Variants in NDC80 observed in about 807,000 individuals in gnomAD.
The protein encoded by NDC80 is NDC80 kinetochore complex component.
In NDC80, 69 loss-of-function variants were observed where a neutral mutation model predicts 89.3. The observed-to-expected ratio is 0.77, with a 90% CI of 0.64 to 0.94. The LOEUF is 0.94. Among genes scored for constraint, NDC80 ranks in the 40% least tolerant of loss-of-function variants. The pLI is 0.00. For synonymous variants in NDC80, 243 were observed against 255.6 expected (o/e 0.95, Z 0.47); for missense variants, 593 against 739.6 (o/e 0.80, Z 2.30).
chr18:2,586,849 T>G (rs2072605111), intron 7 of NDC80, among the ~76,000 whole-genome samples: 1 of 152,238 alleles, frequency 6.6e-6, no homozygotes, highest in Non-Finnish European at 1.5e-5. Context: ...CATGGGAAAC[T>G]ATAAAGTACT....
At chr18:2,585,306 C>A in intron 7 of NDC80, 104 bp downstream of exon 7, 1 of 823,284 alleles carries the variant, frequency 1.2e-6, no homozygotes, top group Non-Finnish European at 1.9e-6. Context: ...GAGTAATAAA[C>A]CGACTGTAAG....
intron 1 of NDC80, among the ~76,000 whole-genome samples, chr18:2,571,917 T>C (rs979198500): frequency 2.6e-5 from 4 of 151,914 alleles, no homozygotes; most frequent in African/African-American, 9.7e-5. Context: ...GGGACACTGA[T>C]GAGGAGTGGA....
chr18:2,580,731 A>ATTTTTTTTT (rs71365186), intron 6 of NDC80, among the ~76,000 whole-genome samples: 760 of 55,454 alleles, frequency 0.014, 198 homozygotes, highest in Admixed American at 0.024. Flanking sequence ...TCACCATCAG[A>ATTTTTTTTT]TTTTTTTTTT....
chr18:2,586,154 A>T (rs2072601902), intron 7 of NDC80, among the ~76,000 whole-genome samples: 1 of 152,228 alleles, frequency 6.6e-6, no homozygotes, highest in Non-Finnish European at 1.5e-5. Context: ...CTTTTGTCAC[A>T]AAAGAAAAGT....
chr18:2,578,150 A>G lies in NDC80; in HGVS notation c.476+9A>G. On this transcript the variant is annotated intron_variant, in intron 5 of 16. Coordinates refer to ENST00000261597, the MANE Select transcript of NDC80 (RefSeq NM_006101.3). Reference sequence around the variant, plus strand: ...ATCTTTAAAGACCTTGGGTATGTATATTTCTTATTAGTTTAGAGACATGAC... The same window carrying G: ...ATCTTTAAAGACCTTGGGTATGTATGTTTCTTATTAGTTTAGAGACATGAC... 1 of 1,609,114 alleles carries G rather than the reference A, an allele frequency of 6.2e-7. No individual in the cohort carries two copies. The highest frequency in any genetic ancestry group is 8.5e-7 in the Non-Finnish European group (1 of 1,177,942).
intron 6 of NDC80, among the ~76,000 whole-genome samples, chr18:2,581,875 T>C (rs1259830413): frequency 1.3e-5 from 2 of 152,220 alleles, no homozygotes; most frequent in African/African-American, 4.8e-5. Context: ...TTTCAGATTT[T>C]AACAAAATCT....
At chr18:2,601,534 A>C in intron 13 of NDC80, 49 bp downstream of exon 13, 1 of 863,722 alleles carries the variant, frequency 1.2e-6, no homozygotes, top group South Asian at 2.4e-5. Flanking sequence ...TTAGATTTTA[A>C]AACCTAAAAT....
intron 10 of NDC80, chr18:2,595,061 T>G (rs1400106173): frequency 1.3e-5 from 2 of 152,298 alleles, no homozygotes; most frequent in Non-Finnish European, 2.9e-5. Context: ...ACATTTTTTT[T>G]TCATGTAGTA....
intron 14 of NDC80, 61 bp downstream of exon 14, chr18:2,606,568 G>A: frequency 9.4e-7 from 1 of 1,066,750 alleles, no homozygotes; most frequent in Non-Finnish European, 1.4e-6. Context: ...TGCTTGATGA[G>A]TCACATATTC....
intron 13 of NDC80, among the ~76,000 whole-genome samples, chr18:2,602,575 G>A (rs2072689156): frequency 6.6e-6 from 1 of 152,112 alleles, no homozygotes; most frequent in African/African-American, 2.4e-5. Context: ...CTAAAACCTG[G>A]AGATTCTCAA....
At position 2,599,037 on chromosome 18, in the gene NDC80, G is replaced by A. The variant is rs1237527804; in HGVS notation, c.1240G>A (p.Glu414Lys). Residue 414 changes from glutamate (E) to lysine (K), a missense_variant, in exon 12 of 17, where the codon GAG becomes AAG. Physicochemically the swap from Glu to Lys is moderately conservative, Grantham distance 56. Transcript: ENST00000261597. ...CTTACAGATTGAAACACAATTAGCA[G>A]AGTATCACAAATTGGCTAGAAAATT... ...GKEAIETQLA[E>K]YHKLARKLKL... 3 of 1,610,754 alleles carry A rather than the reference G, an allele frequency of 1.9e-6. No homozygotes were observed. Among genetic ancestry groups the A allele is most frequent in the Non-Finnish European group, 2.5e-6 (3 of 1,178,520 alleles).
intron 10 of NDC80, chr18:2,594,689 A>G (rs545113596): frequency 1.3e-5 from 2 of 152,880 alleles, no homozygotes; most frequent in Admixed American, 1.3e-4. Context: ...TTAGAAAGGG[A>G]TGATTAACTT....
At chr18:2,599,447 C>A (rs1047469297) in intron 12 of NDC80, among the ~76,000 whole-genome samples, 52 of 152,090 alleles carry the variant, frequency 3.4e-4, no homozygotes, top group Non-Finnish European at 2.2e-4. Context: ...TAAATAAATG[C>A]TATATATGTG....
In NDC80 at chr18:2,608,760, C is replaced by G. The variant is rs2072727941; in HGVS notation, c.1618C>G (p.His540Asp). 6.2e-7 allele frequency: 1 copy of G among 1,613,032 alleles called. No individual in the cohort carries two copies. The highest frequency in any genetic ancestry group is 8.5e-7 in the Non-Finnish European group (1 of 1,179,316). The change falls in exon 15 of 17, where the codon CAC (histidine) becomes GAC (aspartate). Residue 540 changes from histidine (H) to aspartate (D), a missense_variant. Transcript: ENST00000261597. ...SELESLEKHK[H>D]LLESTVNQGL... ...GCTTGAGTCCTTGGAGAAACACAAGCACCTGCTAGAAAGTACTGTTAACCA... is the reference window on the plus strand; with the variant it reads ...GCTTGAGTCCTTGGAGAAACACAAGGACCTGCTAGAAAGTACTGTTAACCA...
At chr18:2,573,989 A>G (rs1461489604) in intron 2 of NDC80, among the ~76,000 whole-genome samples, 4 of 152,164 alleles carry the variant, frequency 2.6e-5, no homozygotes, top group African/African-American at 7.2e-5. Flanking sequence ...ATCATAATGT[A>G]GATAGGGTTT....
intron 11 of NDC80, 46 bp downstream of exon 11, chr18:2,595,667 T>C: frequency 6.5e-7 from 1 of 1,547,320 alleles, no homozygotes; most frequent in South Asian, 1.1e-5. Flanking sequence ...TAGCTGACCT[T>C]TCTGAAGGTC....
rs557996049 is a variant in NDC80, at chr18:2,602,234, A to G, written c.1464+749A>G. Among the ~76,000 whole-genome samples, 10 of 152,256 alleles carry G rather than the reference A, an allele frequency of 6.6e-5. No individual in the cohort carries two copies. In the South Asian group the frequency reaches 2.1e-3, roughly 32 times the overall value. On this transcript the variant is annotated intron_variant, in intron 13 of 16. Transcript: ENST00000261597. The stretch of plus-strand genomic sequence containing the variant: ...AGAGAAGCTTGTTTATTTTTTCTCA[A>G]TCTGGAAACAAAACCTATGGCATTT...
chr18:2,571,805 G>A (rs2072514699), intron 1 of NDC80, 122 bp downstream of exon 1: 1 of 152,288 alleles, frequency 6.6e-6, no homozygotes, highest in African/African-American at 2.4e-5. Context: ...GTTTGCTGTT[G>A]GGAGAAGCCT....
At chr18:2,580,861 C>T (rs1483326889) in intron 6 of NDC80, among the ~76,000 whole-genome samples, 1 of 149,912 alleles carries the variant, frequency 6.7e-6, no homozygotes, top group Non-Finnish European at 1.5e-5. Flanking sequence ...CTGCCTCAGC[C>T]TCCCGAGTAG....
Sources: allele counts gnomAD v4.1 joint callset (sites outside exome capture counted in the v4.1 genomes callset), GRCh38; gene constraint gnomAD v4.1.1; transcripts MANE v1.5; gene names NCBI Gene and HGNC (gene_info 2026-07-23, HGNC 2026-07-21).